MCPH1: variants seen among roughly 807,000 people sequenced by gnomAD.
The protein encoded by MCPH1 is microcephalin.
MCPH1 carries 104 observed loss-of-function variants against 84.5 expected under a neutral mutation model. That is an observed-to-expected ratio of 1.23 (90% CI 1.05 to 1.45). The LOEUF is 1.45. Ranked by LOEUF, MCPH1 falls within the 40% of genes most tolerant of loss-of-function variation. The pLI is 0.00. For missense variants in MCPH1, 1,498 were observed against 1,005.7 expected, an observed-to-expected ratio of 1.49 and a Z score of -6.62; for synonymous variants, 514 against 366.8, an observed-to-expected ratio of 1.40 and a Z score of -4.58.
chr8:6,622,529 C>T (rs894379534), intron 13 of MCPH1, among the ~76,000 whole-genome samples: 2 of 152,224 alleles, frequency 1.3e-5, no homozygotes, highest in African/African-American at 4.8e-5. Context: ...CACCCTCCTC[C>T]ATGGGGTTGT....
At position 6,446,673 on chromosome 8, in the gene MCPH1, A is replaced by G. The variant is rs918669945; in HGVS notation, c.1825+1126A>G. ...AGATGTGTAAAATTCTTTGGTAGTT[A>G]AGAATATCCTGTTCTGAGGTTTACA... On this transcript the variant is annotated intron_variant, in intron 8 of 13. Coordinates refer to ENST00000344683, the MANE Select transcript of MCPH1 (RefSeq NM_024596.5). 9.1e-6 allele frequency: 9 copies of G among 984,608 alleles called. No homozygotes were observed. In the African/African-American group the frequency reaches 1.4e-4, roughly 15 times the overall value. The allele number at this position is 984,608 out of a possible 1,614,324, so 61.0% of individuals were successfully genotyped here.
chr8:6,616,556 T>C (rs1830810765), intron 12 of MCPH1: 1 of 152,248 alleles, frequency 6.6e-6, no homozygotes, highest in South Asian at 2.1e-4. Flanking sequence ...CTAATGTCCC[T>C]TCGGCCTTAA....
chr8:6,464,875 T>A (rs1381737907), intron 9 of MCPH1, among the ~76,000 whole-genome samples: 1 of 152,146 alleles, frequency 6.6e-6, no homozygotes, highest in African/African-American at 2.4e-5. Flanking sequence ...GGTACACACC[T>A]GTAGTCCCAG....
At chr8:6,625,766 A>G in intron 13 of MCPH1, 1 of 981,486 alleles carries the variant, frequency 1.0e-6, no homozygotes, top group African/African-American at 1.7e-5. Context: ...CCTAGGCAAC[A>G]GAGCAAGACC....
At chr8:6,428,113 T>A (rs988896418) in intron 3 of MCPH1, among the ~76,000 whole-genome samples, 2 of 152,146 alleles carry the variant, frequency 1.3e-5, no homozygotes, top group Non-Finnish European at 2.9e-5. Context: ...TTGGCCTTAC[T>A]ATAGCTTTTT....
At chr8:6,579,141 A>G (rs763349014) in intron 12 of MCPH1, among the ~76,000 whole-genome samples, 5 of 152,148 alleles carry the variant, frequency 3.3e-5, no homozygotes, top group Non-Finnish European at 7.3e-5. Flanking sequence ...AAACTCACCT[A>G]ACACCTGACA....
chr8:6,516,257 T>C (rs538661231), intron 12 of MCPH1, among the ~76,000 whole-genome samples: 10 of 152,344 alleles, frequency 6.6e-5, no homozygotes, highest in African/African-American at 2.2e-4. Flanking sequence ...TACACACCAC[T>C]CTCATCCAAG....
chr8:6,408,642 C>G (rs1457361624), intron 1 of MCPH1, among the ~76,000 whole-genome samples: 1 of 151,580 alleles, frequency 6.6e-6, no homozygotes, highest in Non-Finnish European at 1.5e-5. Flanking sequence ...TAGGGATTCT[C>G]CCACCTCAGC....
intron 12 of MCPH1, among the ~76,000 whole-genome samples, chr8:6,595,692 G>A (rs2129577938): frequency 6.6e-6 from 1 of 152,302 alleles, no homozygotes; most frequent in African/African-American, 2.4e-5. Flanking sequence ...GGTCTTCAGA[G>A]CATCATTCCA....
rs1311414174 is a variant in MCPH1, at chr8:6,644,492, A to G, written c.*1443A>G. 6.6e-6 allele frequency: 1 copy of G among 152,212 alleles called. No individual in the cohort carries two copies. The highest frequency in any genetic ancestry group is 2.4e-5 in the African/African-American group (1 of 41,454). The allele number at this position is 152,212 out of a possible 1,614,324, so 9.4% of individuals were successfully genotyped here. A position where few individuals can be genotyped will look rare whatever the true frequency, so the allele number is the denominator to read the frequency against. ...CCTGGAACCGATAAATGACTTAAGTAAAGTTTCAGGATAGTAAATCCATGT... is the reference window on the plus strand; with the variant it reads ...CCTGGAACCGATAAATGACTTAAGTGAAGTTTCAGGATAGTAAATCCATGT... On this transcript the variant is annotated 3_prime_UTR_variant, in exon 14 of 14. Coordinates refer to ENST00000344683, the MANE Select transcript of MCPH1 (RefSeq NM_024596.5).
intron 3 of MCPH1, among the ~76,000 whole-genome samples, chr8:6,423,847 A>G (rs1585664665): frequency 6.6e-6 from 1 of 152,202 alleles, no homozygotes; most frequent in African/African-American, 2.4e-5. Flanking sequence ...TACCTTTGCT[A>G]ATGTTGTGAG....
chr8:6,437,670 C>T (rs183645869), intron 5 of MCPH1, among the ~76,000 whole-genome samples: 3 of 152,198 alleles, frequency 2.0e-5, no homozygotes, highest in South Asian at 2.1e-4. Flanking sequence ...TCACCTGGTG[C>T]GTGTCCATCC....
intron 6 of MCPH1, 48 bp downstream of exon 6, chr8:6,439,144 A>G (rs746297781): frequency 5.1e-5 from 80 of 1,565,492 alleles, no homozygotes; most frequent in African/African-American, 9.5e-5. Context: ...AGCCGATTCA[A>G]TTATGGTGGA....
intron 12 of MCPH1, among the ~76,000 whole-genome samples, chr8:6,523,483 G>C (rs1442196435): frequency 6.6e-6 from 1 of 152,208 alleles, no homozygotes; most frequent in African/African-American, 2.4e-5. Flanking sequence ...TTAAGCCAGA[G>C]GAAACAAATC....
At chr8:6,560,668 A>T (rs1825391330) in intron 12 of MCPH1, among the ~76,000 whole-genome samples, 1 of 152,224 alleles carries the variant, frequency 6.6e-6, no homozygotes, top group Admixed American at 6.5e-5. Context: ...TTGAAATACC[A>T]TTGTGCTACT....
chr8:6,471,265 A>G (rs1336436579), intron 9 of MCPH1, among the ~76,000 whole-genome samples: 1 of 152,220 alleles, frequency 6.6e-6, no homozygotes, highest in African/African-American at 2.4e-5. Flanking sequence ...TTTCTGAGTA[A>G]GTGAATATCA....
At chr8:6,511,081 T>G (rs1814985878) in intron 12 of MCPH1, among the ~76,000 whole-genome samples, 1 of 152,238 alleles carries the variant, frequency 6.6e-6, no homozygotes, top group African/African-American at 2.4e-5. Context: ...TTGTCTCCTT[T>G]GAACATGTTT....
In MCPH1 at chr8:6,511,798, T is replaced by A. The variant is rs145899292; in HGVS notation, c.2214+11869T>A. Among the ~76,000 whole-genome samples, 22 of 152,326 alleles carry A rather than the reference T, an allele frequency of 1.4e-4. No homozygotes were observed. The East Asian group carries it at 4.0e-3, about 28-fold the overall frequency. On this transcript the variant is annotated intron_variant, in intron 12 of 13. Transcript: ENST00000344683. The stretch of plus-strand genomic sequence containing the variant: ...TAAAGGAAATATCTGTTAAGAACCA[T>A]CTCAGTTTAAAATATTTTTATAATG...
At chr8:6,482,573 C>T (rs114599127) in intron 11 of MCPH1, among the ~76,000 whole-genome samples, 390 of 152,358 alleles carry the variant, frequency 2.6e-3, no homozygotes, top group African/African-American at 7.5e-3. Context: ...TAAGGATATG[C>T]ATCTGTACAG....
Sources: allele counts gnomAD v4.1 joint callset (sites outside exome capture counted in the v4.1 genomes callset), GRCh38; gene constraint gnomAD v4.1.1; transcripts MANE v1.5; gene names NCBI Gene and HGNC (gene_info 2026-07-23, HGNC 2026-07-21).